WDPCP: variants seen among roughly 807,000 people sequenced by gnomAD.
The protein encoded by WDPCP is WD repeat-containing and planar cell polarity effector protein fritz homolog.
Under a neutral mutation model 93.1 loss-of-function variants are expected in WDPCP, and 71 were observed. The ratio of observed to expected loss-of-function variants is 0.76; its 90% confidence interval spans 0.63 to 0.93. The LOEUF (loss-of-function observed/expected upper bound fraction) is 0.93. Ranked by LOEUF, WDPCP falls within the 40% of genes least tolerant of loss-of-function variation. The pLI is 0.00. For missense variants in WDPCP, 844 were observed against 887.4 expected (o/e 0.95, Z 0.62); for synonymous variants, 315 against 315.0 (o/e 1.00, Z 0.00).
chr2:63,577,285 G>A (rs567736004), intron 1 of WDPCP, among the ~76,000 whole-genome samples: 1 of 152,260 alleles, frequency 6.6e-6, no homozygotes, highest in Non-Finnish European at 1.5e-5. Flanking sequence ...AATTGGTTCA[G>A]TCAGACAGCT....
intron 4 of WDPCP, 94 bp downstream of exon 4, chr2:63,486,448 G>A: frequency 8.7e-7 from 1 of 1,143,004 alleles, no homozygotes; most frequent in Non-Finnish European, 1.2e-6. Flanking sequence ...AAAATTTGGA[G>A]GGAATAAAGT....
chr2:63,542,195 T>G (rs946571338), intron 1 of WDPCP, among the ~76,000 whole-genome samples: 4 of 152,204 alleles, frequency 2.6e-5, no homozygotes, highest in African/African-American at 9.6e-5. Flanking sequence ...ATGAAACTAT[T>G]TGAAGCCTGA....
intron 14 of WDPCP, among the ~76,000 whole-genome samples, chr2:63,258,472 C>G (rs1681331158): frequency 6.6e-6 from 1 of 152,178 alleles, no homozygotes; most frequent in South Asian, 2.1e-4. Flanking sequence ...TGGCTGCAAA[C>G]AGCATTACAA....
intron 2 of WDPCP, among the ~76,000 whole-genome samples, chr2:63,704,260 C>T (rs999964068): frequency 1.3e-5 from 2 of 152,194 alleles, no homozygotes; most frequent in African/African-American, 4.8e-5. Context: ...GACAATTTGA[C>T]TTCCTCTTTT....
chr2:63,608,045 G>A (rs1234429427), intron 3 of WDPCP, among the ~76,000 whole-genome samples: 3 of 152,022 alleles, frequency 2.0e-5, no homozygotes, highest in Admixed American at 1.3e-4. Context: ...TACCTACGTT[G>A]AACAAATACC....
chr2:63,792,354 G>A (rs950064352), intron 2 of WDPCP, among the ~76,000 whole-genome samples: 21 of 152,134 alleles, frequency 1.4e-4, no homozygotes, highest in Non-Finnish European at 1.0e-4. Context: ...CAGATCTCAT[G>A]AGAACTCACT....
rs536447647 is a variant in WDPCP, at chr2:63,224,638, C to G, written c.1915+34669G>C. Among the ~76,000 whole-genome samples, 3 of 152,000 alleles carry G rather than the reference C, an allele frequency of 2.0e-5. No homozygotes were observed. In the East Asian group the frequency reaches 5.8e-4, roughly 29 times the overall value. On this transcript the variant is annotated intron_variant, in intron 14 of 17. Coordinates refer to ENST00000272321, the MANE Select transcript of WDPCP (RefSeq NM_015910.7). The stretch of plus-strand genomic sequence containing the variant: ...ATATCACCAAGTGAAAGAAGCCAAT[C>G]TGAAAAGGCTGTATGATTCCAACTA...
chr2:63,529,075 A>G (rs575634890), intron 1 of WDPCP, among the ~76,000 whole-genome samples: 3 of 152,266 alleles, frequency 2.0e-5, no homozygotes, highest in African/African-American at 7.2e-5. Context: ...GTATCCTGAG[A>G]CTTTGCTGAA....
At chr2:63,634,407 T>C (rs1330513758) in intron 3 of WDPCP, among the ~76,000 whole-genome samples, 3 of 152,184 alleles carry the variant, frequency 2.0e-5, no homozygotes, top group East Asian at 1.9e-4. Flanking sequence ...GAGAAATCTA[T>C]GGCAATACAA....
At chr2:63,623,542 T>C (rs1709773785) in intron 3 of WDPCP, among the ~76,000 whole-genome samples, 1 of 149,092 alleles carries the variant, frequency 6.7e-6, no homozygotes, top group South Asian at 2.1e-4. Flanking sequence ...GCATTCCTAG[T>C]CTCTGTAAAA....
intron 12 of WDPCP, among the ~76,000 whole-genome samples, chr2:63,374,333 C>G (rs1341050553): frequency 6.6e-6 from 1 of 152,116 alleles, no homozygotes. Flanking sequence ...ATCATTTCAG[C>G]CTGTTTCCCT....
chr2:63,341,404 C>T (rs1197758272), intron 12 of WDPCP, among the ~76,000 whole-genome samples: 1 of 152,240 alleles, frequency 6.6e-6, no homozygotes, highest in Non-Finnish European at 1.5e-5. Context: ...GCTGGGATTA[C>T]AGGCGTGAGC....
chr2:63,442,560 C>T (rs1160067548), intron 6 of WDPCP: 1 of 152,124 alleles, frequency 6.6e-6, no homozygotes, highest in Non-Finnish European at 1.5e-5. Context: ...GCACATTTGT[C>T]TTTTTAAAAA....
intron 6 of WDPCP, among the ~76,000 whole-genome samples, chr2:63,452,322 C>T (rs925872268): frequency 2.0e-5 from 3 of 152,034 alleles, no homozygotes; most frequent in Non-Finnish European, 2.9e-5. Context: ...AGCCAAATCA[C>T]GAGCGAACTC....
intron 2 of WDPCP, among the ~76,000 whole-genome samples, chr2:63,654,154 T>G (rs1006222946): frequency 2.0e-5 from 3 of 152,076 alleles, no homozygotes; most frequent in Admixed American, 6.6e-5. Context: ...AATAAATTTT[T>G]AGAGATGAAA....
At chr2:63,168,189 T>C (rs1382778658) in intron 15 of WDPCP, among the ~76,000 whole-genome samples, 4 of 152,034 alleles carry the variant, frequency 2.6e-5, no homozygotes, top group East Asian at 1.9e-4. Flanking sequence ...GCATCTTTTA[T>C]AGATTTTCCT....
intron 14 of WDPCP, among the ~76,000 whole-genome samples, chr2:63,202,149 A>C (rs1675962014): frequency 6.6e-6 from 1 of 151,820 alleles, no homozygotes; most frequent in Non-Finnish European, 1.5e-5. Context: ...ATTTTACCCT[A>C]ATAACTCAAT....
chr2:63,247,878 G>T (rs953372736), intron 14 of WDPCP, among the ~76,000 whole-genome samples: 1 of 150,798 alleles, frequency 6.6e-6, no homozygotes, highest in African/African-American at 2.4e-5. Flanking sequence ...TTTGTTTTTA[G>T]TTGTGACATG....
At chr2:63,188,962 G>T (rs747599208) in intron 14 of WDPCP, among the ~76,000 whole-genome samples, 2 of 152,272 alleles carry the variant, frequency 1.3e-5, no homozygotes, top group East Asian at 3.9e-4. Context: ...GACCAGTCAG[G>T]CTGGCTAGAG....
Sources: gnomAD v4.1 joint callset for allele counts (sites outside exome capture counted in the v4.1 genomes callset) on GRCh38, gnomAD v4.1.1 for gene constraint, MANE v1.5 for transcripts, NCBI Gene and HGNC (gene_info 2026-07-23, HGNC 2026-07-21) for gene names.